SEMA3E: variants seen among roughly 807,000 people sequenced by gnomAD.
SEMA3E encodes the protein semaphorin 3E.
A neutral mutation model predicts 93.6 loss-of-function variants in SEMA3E; 49 were observed. The ratio of observed to expected loss-of-function variants is 0.52; its 90% CI spans 0.42 to 0.66. SEMA3E has a LOEUF of 0.66. Among genes scored for constraint, SEMA3E ranks in the 30% least tolerant of loss-of-function variants. The pLI, the probability that SEMA3E is intolerant of heterozygous loss-of-function variation, is 0.00. For synonymous variants in SEMA3E, 363 were observed against 330.7 expected, an observed-to-expected ratio of 1.10 and a Z score of -1.06; for missense variants, 906 against 964.8, an observed-to-expected ratio of 0.94 and a Z score of 0.81.
At chr7:83,487,681 TCGTGTG>T (rs1790291542) in intron 2 of SEMA3E, among the ~76,000 whole-genome samples, 1 of 49,586 alleles carries the variant, frequency 2.0e-5, no homozygotes, top group Admixed American at 2.1e-4. Flanking sequence ...TGGCAGGAGG[TCGTGTG>T]TGTGTGTGTG....
chr7:83,551,527 T>C (rs921122370), intron 1 of SEMA3E, among the ~76,000 whole-genome samples: 1 of 152,076 alleles, frequency 6.6e-6, no homozygotes, highest in Non-Finnish European at 1.5e-5. Context: ...ATGAGGAGGA[T>C]GAGACAGAGA....
chr7:83,486,770 A>G (rs1790266013), intron 2 of SEMA3E, among the ~76,000 whole-genome samples: 2 of 152,076 alleles, frequency 1.3e-5, no homozygotes, highest in South Asian at 4.2e-4. Flanking sequence ...ACCTGCCCAG[A>G]CTGGTACCTG....
intron 1 of SEMA3E, among the ~76,000 whole-genome samples, chr7:83,603,053 A>G (rs1194181611): frequency 6.6e-6 from 1 of 152,152 alleles, no homozygotes; most frequent in African/African-American, 2.4e-5. Context: ...TTATTGCTTT[A>G]TGCGTAGGTC....
intron 4 of SEMA3E, among the ~76,000 whole-genome samples, chr7:83,423,652 C>T (rs1028257574): frequency 8.7e-5 from 13 of 149,336 alleles, no homozygotes; most frequent in South Asian, 2.1e-4. Context: ...TACAGACGCC[C>T]ACCACCACGC....
At chr7:83,471,393 A>T (rs1001437836) in intron 2 of SEMA3E, among the ~76,000 whole-genome samples, 1 of 150,938 alleles carries the variant, frequency 6.6e-6, no homozygotes, top group Non-Finnish European at 1.5e-5. Flanking sequence ...TGGAACAGAA[A>T]GGGAAAAAAC....
At chr7:83,467,141 T>G (rs1789785631) in intron 3 of SEMA3E, among the ~76,000 whole-genome samples, 1 of 141,062 alleles carries the variant, frequency 7.1e-6, no homozygotes, top group Admixed American at 7.4e-5. Flanking sequence ...TTCAGCTCAC[T>G]GCAGCCTCGC....
intron 5 of SEMA3E, among the ~76,000 whole-genome samples, chr7:83,410,406 T>C (rs560100222): frequency 1.3e-5 from 2 of 152,106 alleles, no homozygotes; most frequent in South Asian, 2.1e-4. Context: ...GTGAGAGGTA[T>C]GATGTAAGGA....
At chr7:83,634,599 A>T (rs1280199356) in intron 1 of SEMA3E, among the ~76,000 whole-genome samples, 4 of 152,056 alleles carry the variant, frequency 2.6e-5, no homozygotes, top group South Asian at 2.1e-4. Context: ...TAGTTGACTT[A>T]CCTATAATAT....
At chr7:83,388,113 A>G (rs1787919654) in intron 14 of SEMA3E, among the ~76,000 whole-genome samples, 1 of 148,562 alleles carries the variant, frequency 6.7e-6, no homozygotes, top group African/African-American at 2.4e-5. Context: ...GTTCGAGACC[A>G]GCCTGACCAA....
At chr7:83,643,331 G>T (rs1584383537) in intron 1 of SEMA3E, among the ~76,000 whole-genome samples, 1 of 151,982 alleles carries the variant, frequency 6.6e-6, no homozygotes, top group East Asian at 1.9e-4. Flanking sequence ...CAAAGAACAG[G>T]CATTGATTAT....
At chr7:83,640,442 C>T (rs1429544843) in intron 1 of SEMA3E, among the ~76,000 whole-genome samples, 4 of 152,158 alleles carry the variant, frequency 2.6e-5, no homozygotes, top group Non-Finnish European at 5.9e-5. Context: ...AATTCCTCTC[C>T]TCTCCAATTG....
chr7:83,458,094 T>A (rs1789528111), intron 4 of SEMA3E, among the ~76,000 whole-genome samples: 1 of 151,500 alleles, frequency 6.6e-6, no homozygotes. Context: ...GATAATTATG[T>A]GGGATATTAT....
chr7:83,438,610 A>C (rs1789049759), intron 4 of SEMA3E, among the ~76,000 whole-genome samples: 1 of 150,574 alleles, frequency 6.6e-6, no homozygotes, highest in African/African-American at 2.5e-5. Context: ...CAGACAATTA[A>C]CTTATGATAT....
rs927631455 is a variant in SEMA3E, at chr7:83,396,733, T to C, written c.1367-4A>G. The C allele has an allele frequency of 4.4e-6, 7 of 1,575,008 alleles. No homozygotes were observed. Among genetic ancestry groups the C allele is most frequent in the Admixed American group, 1.7e-5 (1 of 59,636 alleles). Reference sequence around the variant, plus strand: ...ACTTTCAGCACAATTCCATTATCTGTAAGAAAACAAAACAAGAAATAAACT... The same window carrying C: ...ACTTTCAGCACAATTCCATTATCTGCAAGAAAACAAAACAAGAAATAAACT... On this transcript the variant is annotated splice_region_variant and splice_polypyrimidine_tract_variant and intron_variant, in intron 11 of 16. Transcript: ENST00000643230.
At chr7:83,487,149 C>T (rs1322767719) in intron 2 of SEMA3E, among the ~76,000 whole-genome samples, 2 of 152,040 alleles carry the variant, frequency 1.3e-5, no homozygotes, top group Non-Finnish European at 2.9e-5. Flanking sequence ...CAAAACAGTA[C>T]ATGAGAGTGA....
At chr7:83,617,962 T>C (rs1793415803) in intron 1 of SEMA3E, among the ~76,000 whole-genome samples, 1 of 151,996 alleles carries the variant, frequency 6.6e-6, no homozygotes, top group African/African-American at 2.4e-5. Context: ...CTGCTATAAA[T>C]AGAAAAGAAC....
intron 4 of SEMA3E, 149 bp downstream of exon 4, chr7:83,466,333 A>G (rs1298021130): frequency 1.1e-6 from 1 of 926,310 alleles, no homozygotes; most frequent in Non-Finnish European, 1.6e-6. Flanking sequence ...TTAAAGGCCC[A>G]GAAAGATAAT....
At chr7:83,507,206 TC>T (rs1013605141) in intron 1 of SEMA3E, among the ~76,000 whole-genome samples, 2 of 152,070 alleles carry the variant, frequency 1.3e-5, no homozygotes, top group Non-Finnish European at 2.9e-5. Context: ...TCTGGCAAGG[TC>T]ACTACCCCTA....
intron 16 of SEMA3E, 109 bp downstream of exon 16, chr7:83,385,185 G>C (rs1787853112): frequency 8.7e-6 from 10 of 1,148,468 alleles, no homozygotes; most frequent in Non-Finnish European, 1.1e-5. Flanking sequence ...AATAAGGCAT[G>C]CATAGTACAA....
Sources: gnomAD v4.1 joint callset for allele counts (sites outside exome capture counted in the v4.1 genomes callset) on GRCh38, gnomAD v4.1.1 for gene constraint, MANE v1.5 for transcripts, NCBI Gene and HGNC (gene_info 2026-07-23, HGNC 2026-07-21) for gene names.